The following CIITA variants were observed in gnomAD, a reference collection of about 807,000 sequenced individuals.
CIITA encodes class II major histocompatibility complex transactivator.
CIITA carries 72 observed loss-of-function variants against 115.1 expected under a neutral mutation model. The observed-to-expected ratio is 0.63, with a 90% CI of 0.52 to 0.76. The LOEUF is 0.76. Ranked by LOEUF, CIITA falls within the 30% of genes least tolerant of loss-of-function variation. The pLI is 0.00. For missense variants in CIITA, 1,617 were observed against 1,463.8 expected (o/e 1.10, Z -1.71); for synonymous variants, 763 against 635.6 (o/e 1.20, Z -3.02).
intron 12 of CIITA, 135 bp from the exon 13 acceptor site, chr16:10,910,048 TAAGAG>T: frequency 1.4e-6 from 1 of 705,336 alleles, no homozygotes; most frequent in Admixed American, 2.2e-5. Flanking sequence ...TCTTTTTTTT[TAAGAG>T]GGGGACAACA....
chr16:10,892,675 G>C (rs570506416), intron 1 of CIITA, among the ~76,000 whole-genome samples: 1 of 152,242 alleles, frequency 6.6e-6, no homozygotes, highest in East Asian at 1.9e-4. Context: ...GCTCATGCCT[G>C]TAATCCCAGC....
rs2036197335 is a variant in CIITA, at chr16:10,879,519, TCCAGGCGGGGGG to T, written c.52+2140_52+2151del. Among the ~76,000 whole-genome samples the T allele has an allele frequency of 6.6e-6, 1 of 152,002 alleles. No individual in the cohort carries two copies. Among genetic ancestry groups the T allele is most frequent in the Non-Finnish European group, 1.5e-5 (1 of 68,004 alleles). On this transcript the variant is annotated intron_variant, in intron 1 of 19. Transcript: ENST00000324288. This position sits in a 1 kb window ranked among gnomAD's most constrained non-coding sequence, Gnocchi z 4.3. ...CTCTGGAATCTTGGGTATTGGGCTC[TCCAGGCGGGGGG>T]CCCTGCTCAGGGAGGCAGTAGGGAG...
chr16:10,915,679 C>T, intron 14 of CIITA, 29 bp downstream of exon 14: 4 of 1,581,888 alleles, frequency 2.5e-6, no homozygotes, highest in Non-Finnish European at 3.5e-6. Context: ...ACCCCTTCCT[C>T]TCAACATCTG....
chr16:10,901,392 TG>T lies in CIITA; in HGVS notation c.437-120del. 6 of 1,016,854 alleles carry T rather than the reference TG, an allele frequency of 5.9e-6. No homozygotes were observed. Among genetic ancestry groups the T allele is most frequent in the Non-Finnish European group, 9.1e-6 (6 of 659,108 alleles). 63.0% of individuals were successfully genotyped at this position (1,016,854 alleles called of 1,614,324 possible). ...GAATGTTAGAGCGAGGGGAGGAAAA[TG>T]GACCCCCAAGACCACTACCCAGCCT... On this transcript the variant is annotated intron_variant, in intron 5 of 19. Transcript: ENST00000324288. The surrounding 1 kb of genome is among the most constrained non-coding windows in gnomAD (Gnocchi z 6.8).
At position 10,908,030 on chromosome 16, in the gene CIITA, T is replaced by G. The variant is rs2039298732; in HGVS notation, c.2538T>G (p.His846Gln). 1 of 1,611,272 alleles carries G rather than the reference T, an allele frequency of 6.2e-7. No individual in the cohort carries two copies. The highest frequency in any genetic ancestry group is 1.3e-5 in the African/African-American group (1 of 74,884). The change falls in exon 11 of 20, where the codon CAT (histidine) becomes CAG (glutamine). Residue 846 changes from histidine (H) to glutamine (Q), a missense_variant. By Grantham distance (24) the His-to-Gln change is conservative. Coordinates refer to ENST00000324288, the MANE Select transcript of CIITA (RefSeq NM_000246.4). ...LGTRLTPPDAHVLGKALEAAG... is the reference protein window; with the variant it reads ...LGTRLTPPDAQVLGKALEAAG... ...CCCGCCTCACGCCTCCTGATGCACA[T>G]GTACTGGGCAAGGCCTTGGAGGCGG...
upstream of CIITA, chr16:10,877,137 A>T: frequency 1.6e-6 from 1 of 642,704 alleles, no homozygotes; most frequent in Admixed American, 2.5e-5. Context: ...AGTTTTTTTG[A>T]TGATCCCTCA....
intron 15 of CIITA, among the ~76,000 whole-genome samples, chr16:10,917,347 AT>A (rs1045999695): frequency 6.6e-6 from 1 of 151,868 alleles, no homozygotes; most frequent in East Asian, 1.9e-4. Flanking sequence ...TAATTTTTGT[AT>A]TTTTTTGTAG....
chr16:10,907,671 G>C lies in CIITA; in HGVS notation c.2179G>C (p.Glu727Gln), dbSNP rs548646642. ...LGALWLALSG[E>Q]IKDKELPQYL... Reference sequence around the variant, plus strand: ...GGCCCTGTGGCTGGCTCTGAGTGGCGAAATCAAGGACAAGGAGCTCCCGCA... The same window carrying C: ...GGCCCTGTGGCTGGCTCTGAGTGGCCAAATCAAGGACAAGGAGCTCCCGCA... Residue 727 changes from glutamate to glutamine, a missense_variant, in exon 11 of 20, where the codon GAA becomes CAA. Transcript: ENST00000324288. This position sits in a 1 kb window ranked among gnomAD's most constrained non-coding sequence, Gnocchi z 5.0. 301 of 1,614,188 alleles carry C rather than the reference G, an allele frequency of 1.9e-4. 2 individuals are homozygous for C. In the South Asian group the frequency reaches 3.1e-3, roughly 16 times the overall value.
intron 14 of CIITA, among the ~76,000 whole-genome samples, chr16:10,915,949 A>G (rs1282813246): frequency 2.0e-5 from 3 of 152,194 alleles, no homozygotes; most frequent in African/African-American, 7.2e-5. Context: ...GCCACATCAG[A>G]TGGGAATCCC....
At chr16:10,887,609 C>T (rs996553575) in intron 1 of CIITA, among the ~76,000 whole-genome samples, 70 of 152,138 alleles carry the variant, frequency 4.6e-4, no homozygotes, top group African/African-American at 1.6e-3. Context: ...AATTTTCCTG[C>T]CTCAGCCTCC....
intron 15 of CIITA, chr16:10,916,867 G>A (rs549917430): frequency 2.6e-6 from 1 of 377,398 alleles, no homozygotes; most frequent in Non-Finnish European, 5.0e-6. Context: ...ATTTAAGGAG[G>A]ACCTACTATG....
intron 1 of CIITA, among the ~76,000 whole-genome samples, chr16:10,869,992 G>T (rs903211025): frequency 1.3e-5 from 2 of 151,890 alleles, no homozygotes; most frequent in Non-Finnish European, 2.9e-5. Context: ...ATGTTCAGTG[G>T]ATGGATGCGT....
chr16:10,905,513 C>T (rs1159350501), intron 10 of CIITA, among the ~76,000 whole-genome samples: 1 of 152,210 alleles, frequency 6.6e-6, no homozygotes, highest in East Asian at 1.9e-4. Flanking sequence ...GTAATCCCAG[C>T]ACTTTGGGAG....
At position 10,902,765 on chromosome 16, in the gene CIITA, G is replaced by A. The variant is rs1328031438; in HGVS notation, c.736G>A (p.Ala246Thr). ...LPHGLWQISE[A>T]GTGVSSIFIY... is the part of the protein sequence containing the mutation. ...CCATGGGCTCTGGCAAATCTCTGAG[G>A]CTGGAACAGGGGTCTCCAGTATATT... Residue 246 changes from alanine to threonine, a missense_variant, in exon 8 of 20, where the codon GCT (alanine) becomes ACT (threonine). Coordinates refer to ENST00000324288, the MANE Select transcript of CIITA (RefSeq NM_000246.4). 6.2e-7 allele frequency: 1 copy of A among 1,614,098 alleles called. No homozygotes were observed. The highest frequency in any genetic ancestry group is 8.5e-7 in the Non-Finnish European group (1 of 1,180,050).
chr16:10,929,280 G>A lies in CIITA; in HGVS notation c.*5425G>A. 2 of 985,976 alleles carry A rather than the reference G, an allele frequency of 2.0e-6. No homozygotes were observed. The highest frequency in any genetic ancestry group is 2.4e-6 in the Non-Finnish European group (2 of 829,990). 61.1% of individuals were successfully genotyped at this position (985,976 alleles called of 1,614,324 possible). On this transcript the variant is annotated 3_prime_UTR_variant, in exon 20 of 20. Coordinates refer to ENST00000324288, the MANE Select transcript of CIITA (RefSeq NM_000246.4). The surrounding 1 kb of genome is among the most constrained non-coding windows in gnomAD (Gnocchi z 4.3). ...AGTTTGAAGTGTCCTCTCCGAAGGT[G>A]AAGTGGGGGAAGCAGGTGCGCTCCG...
rs1300839756 is a variant in CIITA, at chr16:10,923,454, A to G, written c.*22+129A>G. 5.6e-6 allele frequency: 4 copies of G among 708,344 alleles called. No individual in the cohort carries two copies. The highest frequency in any genetic ancestry group is 1.0e-5 in the Non-Finnish European group (4 of 398,800). The allele number at this position is 708,344 out of a possible 1,614,324, so 43.9% of individuals were successfully genotyped here. Reference sequence around the variant, plus strand: ...GCCACCACCCTTGGACGCATGCGTCATCAGAGACATCCCCTCATCTCCACC... The same window carrying G: ...GCCACCACCCTTGGACGCATGCGTCGTCAGAGACATCCCCTCATCTCCACC... On this transcript the variant is annotated intron_variant, in intron 19 of 19. Transcript: ENST00000324288. The surrounding 1 kb of genome is among the most constrained non-coding windows in gnomAD (Gnocchi z 5.2).
chr16:10,899,669 G>A (rs2144449910), intron 5 of CIITA, among the ~76,000 whole-genome samples: 1 of 152,320 alleles, frequency 6.6e-6, no homozygotes, highest in Middle Eastern at 3.4e-3. Context: ...TAAAATGGGT[G>A]TAACAGTTAA....
At chr16:10,906,189 T>A (rs1002843941) in intron 10 of CIITA, among the ~76,000 whole-genome samples, 1 of 151,986 alleles carries the variant, frequency 6.6e-6, no homozygotes, top group Admixed American at 6.6e-5. Flanking sequence ...TGAGACCCCA[T>A]CTCTACAAAA....
At chr16:10,895,037 G>A (rs571466418) in intron 1 of CIITA, among the ~76,000 whole-genome samples, 1 of 152,268 alleles carries the variant, frequency 6.6e-6, no homozygotes, top group African/African-American at 2.4e-5. Flanking sequence ...GAGATTGATG[G>A]AATCCACACT....
Sources: allele counts gnomAD v4.1 joint callset (sites outside exome capture counted in the v4.1 genomes callset), GRCh38; gene constraint gnomAD v4.1.1; non-coding constraint Gnocchi (gnomAD v3.1); transcripts MANE v1.5; gene names NCBI Gene and HGNC (gene_info 2026-07-23, HGNC 2026-07-21).